HIPK2: variants seen among roughly 807,000 people sequenced by gnomAD.
HIPK2 encodes homeodomain-interacting protein kinase 2.
Under a neutral mutation model 113.7 loss-of-function variants are expected in HIPK2, and 27 were observed. The ratio of observed to expected loss-of-function variants is 0.24; its 90% confidence interval spans 0.17 to 0.33. The LOEUF (loss-of-function observed/expected upper bound fraction) is 0.33, where lower values mean the gene tolerates loss of function less well. Among genes scored for constraint, HIPK2 ranks in the 10% least tolerant of loss-of-function variants. The pLI is 1.00. For missense variants in HIPK2, 1,257 were observed against 1,588.0 expected, an observed-to-expected ratio of 0.79 and a Z score of 3.54; for synonymous variants, 631 against 642.2, an observed-to-expected ratio of 0.98 and a Z score of 0.26.
At chr7:139,637,783 G>T (rs1304284293) in intron 2 of HIPK2, among the ~76,000 whole-genome samples, 1 of 152,204 alleles carries the variant, frequency 6.6e-6, no homozygotes, top group African/African-American at 2.4e-5. Context: ...AGGCAGTGCA[G>T]ATAAAAGAGA....
rs559692272 is a variant in HIPK2, at chr7:139,734,936, A to G, written c.20-17921T>C. ...ACAAAACCAGGATTTGACAAGCCGTATGATTTGTGACTCCAAAATGACGTA... is the reference window on the plus strand; with the variant it reads ...ACAAAACCAGGATTTGACAAGCCGTGTGATTTGTGACTCCAAAATGACGTA... On this transcript the variant is annotated intron_variant, in intron 1 of 14. Coordinates refer to ENST00000406875, the MANE Select transcript of HIPK2 (RefSeq NM_022740.5). Among the ~76,000 whole-genome samples the G allele has an allele frequency of 5.3e-5, 8 of 152,356 alleles. No individual in the cohort carries two copies. In the South Asian group the frequency reaches 1.7e-3, roughly 32 times the overall value.
chr7:139,690,591 G>A (rs755580109), intron 2 of HIPK2, among the ~76,000 whole-genome samples: 11 of 152,198 alleles, frequency 7.2e-5, no homozygotes, highest in Middle Eastern at 3.4e-3. Context: ...TGGGAGGATC[G>A]TTTGTGCCCA....
intron 6 of HIPK2, among the ~76,000 whole-genome samples, chr7:139,622,684 G>A (rs902640301): frequency 6.6e-6 from 1 of 152,182 alleles, no homozygotes; most frequent in African/African-American, 2.4e-5. Context: ...ACAGCTGCAT[G>A]GGCCTGGAGA....
At chr7:139,633,095 C>CAAAAA (rs942820284) in intron 2 of HIPK2, among the ~76,000 whole-genome samples, 200 of 74,168 alleles carry the variant, frequency 2.7e-3, no homozygotes, top group Non-Finnish European at 4.1e-3. Context: ...GACCCTGTCT[C>CAAAAA]AAAAAAAAAA....
At chr7:139,658,498 T>C (rs966953937) in intron 2 of HIPK2, among the ~76,000 whole-genome samples, 1 of 152,228 alleles carries the variant, frequency 6.6e-6, no homozygotes, top group Non-Finnish European at 1.5e-5. Context: ...TCAGGGAAAG[T>C]GACTTCATGA....
At chr7:139,607,972 C>T (rs546244677) in intron 9 of HIPK2, among the ~76,000 whole-genome samples, 2 of 152,256 alleles carry the variant, frequency 1.3e-5, no homozygotes, top group South Asian at 4.1e-4. Context: ...GGCACAGTGG[C>T]TCACACCTGT....
chr7:139,585,240 C>T (rs959939462), intron 12 of HIPK2, among the ~76,000 whole-genome samples: 1 of 152,180 alleles, frequency 6.6e-6, no homozygotes, highest in Non-Finnish European at 1.5e-5. Context: ...GCCACACAGC[C>T]AGGCCAGGCT....
At chr7:139,706,961 G>T (rs529028351) in intron 2 of HIPK2, among the ~76,000 whole-genome samples, 2 of 152,262 alleles carry the variant, frequency 1.3e-5, no homozygotes, top group South Asian at 4.1e-4. Flanking sequence ...CCCTGCTCAA[G>T]CCCACTCAGT....
At chr7:139,619,492 C>G (rs572924512) in intron 7 of HIPK2, among the ~76,000 whole-genome samples, 1 of 152,298 alleles carries the variant, frequency 6.6e-6, no homozygotes, top group African/African-American at 2.4e-5. Flanking sequence ...ATGTTAGCTG[C>G]TCCTTCTGCC....
chr7:139,580,355 G>A (rs895403700), intron 13 of HIPK2, among the ~76,000 whole-genome samples: 3 of 152,218 alleles, frequency 2.0e-5, no homozygotes, highest in African/African-American at 7.2e-5. Context: ...GGAGATGGGG[G>A]TTGAGTCAGA....
intron 2 of HIPK2, among the ~76,000 whole-genome samples, chr7:139,708,365 A>G (rs1346143594): frequency 6.6e-6 from 1 of 150,994 alleles, no homozygotes; most frequent in African/African-American, 2.5e-5. Context: ...TCATACCTCA[A>G]TAAACTGTGT....
rs972912301 is a variant in HIPK2, at chr7:139,565,919, T to C, written c.*7008A>G. 6.6e-6 allele frequency: 1 copy of C among 152,182 alleles called. No individual in the cohort carries two copies. Among genetic ancestry groups the C allele is most frequent in the African/African-American group, 2.4e-5 (1 of 41,454 alleles). The allele number at this position is 152,182 out of a possible 1,614,324, so 9.4% of individuals were successfully genotyped here. A position where few individuals can be genotyped will look rare whatever the true frequency, so the allele number is the denominator to read the frequency against. ...TGAAAAAAATATATACCTTTAGTAT[T>C]GCCTTTCTAGAATTAACTATAAGCA... On this transcript the variant is annotated 3_prime_UTR_variant, in exon 15 of 15. Coordinates refer to ENST00000406875, the MANE Select transcript of HIPK2 (RefSeq NM_022740.5).
intron 1 of HIPK2, among the ~76,000 whole-genome samples, chr7:139,728,072 T>C (rs1206727016): frequency 6.6e-6 from 1 of 151,720 alleles, no homozygotes; most frequent in Non-Finnish European, 1.5e-5. Flanking sequence ...CCCAAGTAGC[T>C]GGGATTACAG....
chr7:139,646,456 C>T (rs1251841933), intron 2 of HIPK2, among the ~76,000 whole-genome samples: 3 of 146,934 alleles, frequency 2.0e-5, no homozygotes, highest in African/African-American at 5.1e-5. Flanking sequence ...GCTGTGATCA[C>T]GCCACTGCAC....
At position 139,631,918 on chromosome 7, in the gene HIPK2, C is replaced by A; in HGVS notation, c.1104-193G>T. ...TTGGTCCCCTCCATTAGTGGAGGGC[C>A]CACTTGGAAGGTTGGCTGAGATGAA... On this transcript the variant is annotated intron_variant, in intron 2 of 14. Coordinates refer to ENST00000406875, the MANE Select transcript of HIPK2 (RefSeq NM_022740.5). The surrounding 1 kb of genome is among the most constrained non-coding windows in gnomAD (Gnocchi z 4.9). 2 of 240,738 alleles carry A rather than the reference C, an allele frequency of 8.3e-6. No individual in the cohort carries two copies. Among genetic ancestry groups the A allele is most frequent in the Non-Finnish European group, 1.3e-5 (2 of 149,314 alleles). The allele number at this position is 240,738 out of a possible 1,614,324, so 14.9% of individuals were successfully genotyped here.
At chr7:139,623,180 GA>G (rs1214306627) in intron 6 of HIPK2, among the ~76,000 whole-genome samples, 1 of 151,974 alleles carries the variant, frequency 6.6e-6, no homozygotes, top group Non-Finnish European at 1.5e-5. Context: ...GGTACAGATG[GA>G]CAGCTCTGTG....
chr7:139,746,040 C>A (rs982275699), intron 1 of HIPK2, among the ~76,000 whole-genome samples: 1 of 152,174 alleles, frequency 6.6e-6, no homozygotes, highest in African/African-American at 2.4e-5. Context: ...ACTCTTTGCA[C>A]GCATCCTGCT....
chr7:139,725,983 A>G (rs966394584), intron 1 of HIPK2, among the ~76,000 whole-genome samples: 4 of 152,338 alleles, frequency 2.6e-5, no homozygotes, highest in Non-Finnish European at 5.9e-5. Flanking sequence ...ATGAGGGCTG[A>G]TAAGTGAAGG....
chr7:139,758,270 A>G (rs759920645), intron 1 of HIPK2, among the ~76,000 whole-genome samples: 1 of 152,238 alleles, frequency 6.6e-6, no homozygotes, highest in Non-Finnish European at 1.5e-5. Flanking sequence ...TCAAACATTA[A>G]CAACAGATCA....
Sources: gnomAD v4.1 joint callset for allele counts (sites outside exome capture counted in the v4.1 genomes callset) on GRCh38, gnomAD v4.1.1 for gene constraint, Gnocchi (gnomAD v3.1) non-coding constraint, MANE v1.5 for transcripts, NCBI Gene and HGNC (gene_info 2026-07-23, HGNC 2026-07-21) for gene names.